Variants in GHR observed in about 807,000 individuals in gnomAD.
The protein encoded by GHR is growth hormone receptor.
Under a neutral mutation model 67.1 loss-of-function variants are expected in GHR, and 35 were observed. That is an observed-to-expected ratio of 0.52 (90% CI 0.40 to 0.69). GHR has a LOEUF of 0.69. Ranked by LOEUF, GHR falls within the 30% of genes least tolerant of loss-of-function variation. The pLI, the probability that GHR is intolerant of heterozygous loss-of-function variation, is 0.00. For missense variants in GHR, 792 were observed against 764.6 expected, an observed-to-expected ratio of 1.04 and a Z score of -0.42; for synonymous variants, 272 against 269.1, an observed-to-expected ratio of 1.01 and a Z score of -0.10.
chr5:42,549,124 G>A (rs1748886670), intron 1 of GHR, among the ~76,000 whole-genome samples: 2 of 152,196 alleles, frequency 1.3e-5, no homozygotes, highest in Non-Finnish European at 2.9e-5. Context: ...GTCTCCTTCT[G>A]CTTCTTGCTA....
intron 5 of GHR, among the ~76,000 whole-genome samples, chr5:42,697,229 C>T (rs948007714): frequency 6.6e-6 from 1 of 152,168 alleles, no homozygotes. Flanking sequence ...CAGGGCTATT[C>T]TTTGGATTTG....
intron 3 of GHR, among the ~76,000 whole-genome samples, chr5:42,658,863 T>C (rs1475143010): frequency 6.6e-6 from 1 of 152,194 alleles, no homozygotes; most frequent in Non-Finnish European, 1.5e-5. Flanking sequence ...GGGAGTCCAT[T>C]ACTTCTGACC....
chr5:42,649,707 A>T (rs1455025739), intron 3 of GHR, among the ~76,000 whole-genome samples: 1 of 152,180 alleles, frequency 6.6e-6, no homozygotes, highest in East Asian at 1.9e-4. Flanking sequence ...ACAAAAGAAC[A>T]TCCAGGATAA....
At chr5:42,598,808 C>T (rs951986177) in intron 2 of GHR, among the ~76,000 whole-genome samples, 2 of 152,124 alleles carry the variant, frequency 1.3e-5, no homozygotes, top group African/African-American at 4.8e-5. Flanking sequence ...AAATGTATTT[C>T]TTTAAATTGG....
At chr5:42,451,719 A>AT (rs397997553) in intron 1 of GHR, among the ~76,000 whole-genome samples, 3 of 150,700 alleles carry the variant, frequency 2.0e-5, no homozygotes, top group Non-Finnish European at 3.0e-5. Context: ...AAAAAAAAAA[A>AT]CCTACTCCTG....
chr5:42,700,015 T>A lies in GHR; in HGVS notation c.618+13T>A. 3 of 1,497,866 alleles carry A rather than the reference T, an allele frequency of 2.0e-6. No homozygotes were observed. The highest frequency in any genetic ancestry group is 1.1e-5 in the South Asian group (1 of 88,318). 92.8% of individuals were successfully genotyped at this position (1,497,866 alleles called of 1,614,324 possible). ...TAAATGGAAAATGGTAAGATGTTGC[T>A]ACACCTTACACTTTGACTTTTCTTT... On this transcript the variant is annotated intron_variant, in intron 6 of 9. Coordinates refer to ENST00000230882, the MANE Select transcript of GHR (RefSeq NM_000163.5).
At chr5:42,653,557 G>A (rs116053884) in intron 3 of GHR, among the ~76,000 whole-genome samples, 1,774 of 152,198 alleles carry the variant, frequency 0.012, 34 homozygotes, top group African/African-American at 0.041. Context: ...TTGGCACAGT[G>A]CATAACAACC....
intron 1 of GHR, among the ~76,000 whole-genome samples, chr5:42,551,928 T>A (rs1279127080): frequency 1.3e-5 from 2 of 152,196 alleles, no homozygotes; most frequent in African/African-American, 4.8e-5. Context: ...AGCTTTCCAA[T>A]GAGGGGAGCA....
intron 1 of GHR, among the ~76,000 whole-genome samples, chr5:42,439,037 T>C (rs1318798052): frequency 6.6e-6 from 1 of 152,192 alleles, no homozygotes. Flanking sequence ...TTTAAAACAT[T>C]GATACAGCAA....
At chr5:42,521,617 C>T (rs33956936) in intron 1 of GHR, among the ~76,000 whole-genome samples, 74,907 of 152,014 alleles carry the variant, frequency 0.49, 19,279 homozygotes, top group African/African-American at 0.61. Context: ...GCCAAAGAGC[C>T]CATCTACTTA....
intron 1 of GHR, among the ~76,000 whole-genome samples, chr5:42,534,827 TTTA>T (rs1469057513): frequency 6.6e-6 from 1 of 152,046 alleles, no homozygotes; most frequent in Non-Finnish European, 1.5e-5. Context: ...CATCTACTGT[TTTA>T]TTATTATTTT....
At chr5:42,485,189 A>G (rs1228653673) in intron 1 of GHR, among the ~76,000 whole-genome samples, 1 of 152,174 alleles carries the variant, frequency 6.6e-6, no homozygotes, top group Non-Finnish European at 1.5e-5. Flanking sequence ...GCTGTTATAA[A>G]TTCACACTGG....
Position 42,688,964 on chromosome 5 carries a change from G to A in GHR, c.211G>A (p.Glu71Lys). 6.2e-7 allele frequency: 1 copy of A among 1,612,794 alleles called. No homozygotes were observed. The highest frequency in any genetic ancestry group is 8.5e-7 in the Non-Finnish European group (1 of 1,178,800). ...GACTTTTTCATGCCACTGGACAGATGAGGTTCATCATGGTACAAAGAACCT... is the reference window on the plus strand; with the variant it reads ...GACTTTTTCATGCCACTGGACAGATAAGGTTCATCATGGTACAAAGAACCT... The part of the protein sequence containing the change: ...RETFSCHWTD[E>K]VHHGTKNLGP... Residue 71 changes from glutamate to lysine, a missense_variant, in exon 4 of 10, where the codon GAG becomes AAG. Transcript: ENST00000230882.
intron 1 of GHR, among the ~76,000 whole-genome samples, chr5:42,552,298 T>G (rs1749075510): frequency 6.6e-6 from 1 of 152,204 alleles, no homozygotes; most frequent in South Asian, 2.1e-4. Flanking sequence ...TTCCACACCA[T>G]TTTTTCCTCC....
intron 2 of GHR, among the ~76,000 whole-genome samples, chr5:42,625,835 G>A (rs1396593237): frequency 6.6e-6 from 1 of 152,046 alleles, no homozygotes; most frequent in East Asian, 1.9e-4. Flanking sequence ...GGAAAACAAA[G>A]GGGGAAGGGG....
intron 1 of GHR, among the ~76,000 whole-genome samples, chr5:42,496,073 G>A (rs1009842954): frequency 7.2e-5 from 11 of 152,266 alleles, no homozygotes; most frequent in Admixed American, 7.2e-4. Flanking sequence ...TTGGTAAAAA[G>A]TATTACAAAT....
In GHR at chr5:42,424,270, A is replaced by AG. The variant is rs1242950333; in HGVS notation, c.-12+315_-12+316insG. Among the ~76,000 whole-genome samples the AG allele has an allele frequency of 6.6e-6, 1 of 150,940 alleles. No homozygotes were observed. Among genetic ancestry groups the AG allele is most frequent in the African/African-American group, 2.4e-5 (1 of 40,954 alleles). ...AGTTGCGGGCGACAGACGAACCATCACACTCTGGCGTCTGCTCTGGCCCGC... is the reference window on the plus strand; with the variant it reads ...AGTTGCGGGCGACAGACGAACCATCAGCACTCTGGCGTCTGCTCTGGCCCGC... On this transcript the variant is annotated intron_variant, in intron 1 of 9. Transcript: ENST00000230882. This position sits in a 1 kb window ranked among gnomAD's most constrained non-coding sequence, Gnocchi z 4.1.
At chr5:42,456,382 C>T (rs534439452) in intron 1 of GHR, among the ~76,000 whole-genome samples, 35 of 152,172 alleles carry the variant, frequency 2.3e-4, no homozygotes, top group Non-Finnish European at 4.3e-4. Context: ...ATTTTTAAAG[C>T]TCTCAGGTGA....
chr5:42,686,330 T>C (rs1056689530), intron 3 of GHR, among the ~76,000 whole-genome samples: 3 of 118,076 alleles, frequency 2.5e-5, no homozygotes, highest in African/African-American at 9.5e-5. Context: ...TACCATGCTG[T>C]CTTTGTTACT....
Sources: gnomAD v4.1 joint callset for allele counts (sites outside exome capture counted in the v4.1 genomes callset) on GRCh38, gnomAD v4.1.1 for gene constraint, Gnocchi (gnomAD v3.1) non-coding constraint, MANE v1.5 for transcripts, NCBI Gene and HGNC (gene_info 2026-07-23, HGNC 2026-07-21) for gene names.